Variants in NRXN3 observed in about 807,000 individuals in gnomAD.
NRXN3 encodes neurexin III.
NRXN3 carries 32 observed loss-of-function variants against 137.6 expected under a neutral mutation model. The observed-to-expected ratio is 0.23, with a 90% CI of 0.18 to 0.31. NRXN3 has a LOEUF of 0.31. Among genes scored for constraint, NRXN3 ranks in the 10% least tolerant of loss-of-function variants. The pLI is 1.00. For missense variants in NRXN3, 1,574 were observed against 2,062.5 expected (o/e 0.76, Z 4.59); for synonymous variants, 798 against 784.5 (o/e 1.02, Z -0.29).
At chr14:79,324,609 G>A (rs996572780) in intron 15 of NRXN3, among the ~76,000 whole-genome samples, 1 of 152,152 alleles carries the variant, frequency 6.6e-6, no homozygotes, top group African/African-American at 2.4e-5. Flanking sequence ...AAAGAACCAG[G>A]GATGCGTGGG....
chr14:79,035,035 G>A (rs748300027), intron 15 of NRXN3, among the ~76,000 whole-genome samples: 4 of 152,072 alleles, frequency 2.6e-5, no homozygotes, highest in African/African-American at 9.7e-5. Context: ...TAAATAGCAC[G>A]TTAAATAAAA....
At chr14:78,556,386 G>A (rs1352984268) in intron 4 of NRXN3, among the ~76,000 whole-genome samples, 2 of 152,186 alleles carry the variant, frequency 1.3e-5, no homozygotes, top group Non-Finnish European at 2.9e-5. Flanking sequence ...TTCAAAAGGT[G>A]TAAATCAAGC....
chr14:78,706,695 T>C (rs1406115267), intron 6 of NRXN3, among the ~76,000 whole-genome samples: 1 of 152,220 alleles, frequency 6.6e-6, no homozygotes, highest in African/African-American at 2.4e-5. Context: ...ATCCTTACCA[T>C]GGTGCCTGGT....
chr14:79,825,206 CTT>C (rs11449914), intron 20 of NRXN3, among the ~76,000 whole-genome samples: 243 of 117,764 alleles, frequency 2.1e-3, no homozygotes, highest in Admixed American at 3.6e-3. Flanking sequence ...TCTTTGTGTG[CTT>C]TTTTTTTTTT....
chr14:79,792,952 TC>T (rs2099149873), intron 19 of NRXN3, among the ~76,000 whole-genome samples: 2 of 152,170 alleles, frequency 1.3e-5, no homozygotes, highest in African/African-American at 4.8e-5. Flanking sequence ...AACCCAGAAT[TC>T]TCAGAGGTGG....
At chr14:78,931,472 G>T (rs1228739459) in intron 10 of NRXN3, among the ~76,000 whole-genome samples, 6 of 152,118 alleles carry the variant, frequency 3.9e-5, no homozygotes, top group Non-Finnish European at 7.4e-5. Flanking sequence ...CATTTAAAAA[G>T]TAGGTGACTT....
intron 15 of NRXN3, among the ~76,000 whole-genome samples, chr14:79,235,810 T>G: frequency 6.6e-6 from 1 of 152,080 alleles, no homozygotes; most frequent in East Asian, 2.0e-4. Flanking sequence ...CTGTAATGAA[T>G]GACTCTGAGT....
chr14:79,660,009 AG>A (rs1328449295), intron 16 of NRXN3, among the ~76,000 whole-genome samples: 1 of 152,168 alleles, frequency 6.6e-6, no homozygotes, highest in African/African-American at 2.4e-5. Flanking sequence ...AGCCCTATGA[AG>A]TACGAAATGC....
At chr14:78,247,701 G>A (rs947262895) in intron 2 of NRXN3, among the ~76,000 whole-genome samples, 1 of 152,208 alleles carries the variant, frequency 6.6e-6, no homozygotes, top group Non-Finnish European at 1.5e-5. Flanking sequence ...CAGCCTTGAA[G>A]CTCAGTAGCT....
At chr14:79,516,348 G>A (rs2096984178) in intron 16 of NRXN3, among the ~76,000 whole-genome samples, 1 of 152,144 alleles carries the variant, frequency 6.6e-6, no homozygotes, top group Non-Finnish European at 1.5e-5. Flanking sequence ...GCCTGGGGCA[G>A]ACACTGGACT....
intron 16 of NRXN3, among the ~76,000 whole-genome samples, chr14:79,544,961 A>G (rs1481726662): frequency 6.6e-6 from 1 of 152,180 alleles, no homozygotes; most frequent in Admixed American, 6.5e-5. Context: ...ATTGAGGTCT[A>G]GAGATGTTCA....
At chr14:79,488,445 G>A (rs955664624) in intron 16 of NRXN3, among the ~76,000 whole-genome samples, 2 of 152,140 alleles carry the variant, frequency 1.3e-5, no homozygotes, top group Non-Finnish European at 2.9e-5. Context: ...GACGATAAAG[G>A]AAATATAAGA....
intron 4 of NRXN3, among the ~76,000 whole-genome samples, chr14:78,590,718 A>G (rs889693161): frequency 2.6e-5 from 4 of 152,196 alleles, no homozygotes; most frequent in African/African-American, 7.2e-5. Flanking sequence ...GTTCAAGACC[A>G]TCCTGGCCAA....
chr14:78,386,623 T>G (rs950660814), intron 4 of NRXN3, among the ~76,000 whole-genome samples: 3 of 152,202 alleles, frequency 2.0e-5, no homozygotes, highest in African/African-American at 2.4e-5. Context: ...ACTTTATGGA[T>G]GAACAAACCA....
intron 4 of NRXN3, among the ~76,000 whole-genome samples, chr14:78,523,246 G>A (rs2153803911): frequency 6.6e-6 from 1 of 152,272 alleles, no homozygotes. Context: ...AAACCTAGGG[G>A]AATGTCTGAA....
intron 4 of NRXN3, among the ~76,000 whole-genome samples, chr14:78,410,934 G>A (rs2092790027): frequency 1.3e-5 from 2 of 152,162 alleles, no homozygotes; most frequent in African/African-American, 2.4e-5. Flanking sequence ...CCTGAGATAG[G>A]CAGCTTGGTG....
chr14:79,638,668 T>C (rs1462864223), intron 16 of NRXN3, among the ~76,000 whole-genome samples: 1 of 152,222 alleles, frequency 6.6e-6, no homozygotes, highest in Non-Finnish European at 1.5e-5. Context: ...TATCACCATC[T>C]AGGTTTCCTC....
chr14:79,424,464 G>A (rs1416283117), intron 15 of NRXN3, among the ~76,000 whole-genome samples: 1 of 152,162 alleles, frequency 6.6e-6, no homozygotes, highest in Non-Finnish European at 1.5e-5. Flanking sequence ...TCTACTATGT[G>A]TTAGGTACTT....
intron 5 of NRXN3, among the ~76,000 whole-genome samples, chr14:78,649,599 ATTTGTTTTCT>A (rs1395315764): frequency 1.1e-4 from 16 of 145,734 alleles, no homozygotes; most frequent in Middle Eastern, 3.4e-3. Context: ...ATTTGGCTAA[ATTTGTTTTCT>A]TTTGTTTTCT....
Sources: allele counts gnomAD v4.1 joint callset (sites outside exome capture counted in the v4.1 genomes callset), GRCh38; gene constraint gnomAD v4.1.1; transcripts MANE v1.5; gene names NCBI Gene and HGNC (gene_info 2026-07-23, HGNC 2026-07-21).